FLNC: variants seen among roughly 807,000 people sequenced by gnomAD.
The protein encoded by FLNC is filamin C, also known as filamin-C.
FLNC carries 91 observed loss-of-function variants against 254.3 expected under a neutral mutation model. The ratio of observed to expected loss-of-function variants is 0.36; its 90% CI spans 0.30 to 0.43. The LOEUF (loss-of-function observed/expected upper bound fraction) is 0.43, where lower values mean the gene tolerates loss of function less well. Ranked by LOEUF, FLNC falls within the 20% of genes least tolerant of loss-of-function variation. FLNC has a pLI of 1.00. For synonymous variants in FLNC, 1,430 were observed against 1,577.2 expected (o/e 0.91, Z 2.21); for missense variants, 2,853 against 3,802.6 (o/e 0.75, Z 6.57).
rs1808043006 is a variant in FLNC at position 128,835,079 on chromosome 7, C to T, written c.353-247C>T. On this transcript the variant is annotated intron_variant, in intron 1 of 47. Coordinates refer to ENST00000325888, the MANE Select transcript of FLNC (RefSeq NM_001458.5). This position sits in a 1 kb window ranked among gnomAD's most constrained non-coding sequence, Gnocchi z 5.3. ...CATAGACAGGAGGCAGACTCACTTG[C>T]TGTAGCTGAGGTGAGGGTACCTTCC... Among the ~76,000 whole-genome samples the T allele has an allele frequency of 6.6e-6, 1 of 152,188 alleles. No individual in the cohort carries two copies. The highest frequency in any genetic ancestry group is 1.5e-5 in the Non-Finnish European group (1 of 68,038).
chr7:128,846,990 G>T, intron 24 of FLNC, 85 bp downstream of exon 24: 1 of 1,543,996 alleles, frequency 6.5e-7, no homozygotes, highest in East Asian at 2.2e-5. Context: ...CTGGAAGGAA[G>T]TTGGGTAAGA....
rs113618587 is a variant in FLNC at position 128,853,812 on chromosome 7, C to A, written c.6459C>A (p.Thr2153=). 6.2e-7 allele frequency: 1 copy of A among 1,613,590 alleles called. No homozygotes were observed. The highest frequency in any genetic ancestry group is 1.3e-5 in the African/African-American group (1 of 75,042). The change falls in exon 39 of 48, where the codon ACC becomes ACA. Residue 2153 remains threonine (T), a synonymous_variant. Coordinates refer to ENST00000325888, the MANE Select transcript of FLNC (RefSeq NM_001458.5). ...QAPSIATIGS[T]CDLNLKIPGN... The stretch of plus-strand genomic sequence containing the variant: ...CTTCCATCGCCACCATCGGCAGCAC[C>A]TGTGACCTCAACCTCAAGATCCCAG...
rs373813406 is a variant in FLNC, at chr7:128,841,137, C to T, written c.1814-33C>T. The T allele has an allele frequency of 6.2e-7, 1 of 1,609,044 alleles. No homozygotes were observed. ...GGGGACGGAAGGGTCTTGCCTGATG[C>T]TGGATCCCCGACCCTCCCCCACCTT... On this transcript the variant is annotated intron_variant, in intron 11 of 47. Coordinates refer to ENST00000325888, the MANE Select transcript of FLNC (RefSeq NM_001458.5). The surrounding 1 kb of genome is among the most constrained non-coding windows in gnomAD (Gnocchi z 4.3).
At position 128,835,486 on chromosome 7, in the gene FLNC, C is replaced by A; in HGVS notation, c.513C>A (p.Asn171Lys). Residue 171 changes from asparagine to lysine, a missense_variant, in exon 2 of 48, where the codon AAC becomes AAA. Asn to Lys is a moderately conservative substitution (Grantham distance 94). Coordinates refer to ENST00000325888, the MANE Select transcript of FLNC (RefSeq NM_001458.5). The surrounding 1 kb of genome is among the most constrained non-coding windows in gnomAD (Gnocchi z 5.3). ...AGCGGCTGCTTGGCTGGATCCAGAA[C>A]AAGGTGCCCCAGCTGCCCATCACCA... ...PKQRLLGWIQ[N>K]KVPQLPITNF... 6.2e-7 allele frequency: 1 copy of A among 1,613,818 alleles called. No homozygotes were observed. Among genetic ancestry groups the A allele is most frequent in the East Asian group, 2.2e-5 (1 of 44,888 alleles).
In FLNC at chr7:128,838,386, C is replaced by T; in HGVS notation, c.1167C>T (p.Gly389=). ...GTGGCCCTGGCCTGGAACCTGTGGG[C>T]AATGTGGCCAACAAACCCACCTACT... ...SARGPGLEPV[G]NVANKPTYFD... is the part of the protein sequence containing the mutation. Residue 389 remains glycine, a synonymous_variant, in exon 7 of 48, where the codon GGC becomes GGT. Transcript: ENST00000325888. 1 of 1,613,964 alleles carries T rather than the reference C, an allele frequency of 6.2e-7. No individual in the cohort carries two copies. The highest frequency in any genetic ancestry group is 8.5e-7 in the Non-Finnish European group (1 of 1,179,986).
Position 128,845,065 on chromosome 7 carries a change from C to A in FLNC, c.3600C>A (p.Ala1200=). 1 of 1,613,840 alleles carries A rather than the reference C, an allele frequency of 6.2e-7. No individual in the cohort carries two copies. The highest frequency in any genetic ancestry group is 1.1e-5 in the South Asian group (1 of 91,086). ...TCCTGTCGGATGCCGGGGTCAAGGC[C>A]GAGGTGCTGATCCACAACAACGCGG... ...IEILSDAGVK[A]EVLIHNNADG... The change falls in exon 21 of 48, where the codon GCC becomes GCA. Residue 1200 remains alanine, a synonymous_variant. Coordinates refer to ENST00000325888, the MANE Select transcript of FLNC (RefSeq NM_001458.5).
rs1365349607 is a variant in FLNC, at chr7:128,835,285, G to A, written c.353-41G>A. On this transcript the variant is annotated intron_variant, in intron 1 of 47. Coordinates refer to ENST00000325888, the MANE Select transcript of FLNC (RefSeq NM_001458.5). This position sits in a 1 kb window ranked among gnomAD's most constrained non-coding sequence, Gnocchi z 5.3. ...GGAGGGTGCTCTGGGGCAGTGGAGGGTGGGGCGCCCCTGAGCCCGTCTGTG... is the reference window on the plus strand; with the variant it reads ...GGAGGGTGCTCTGGGGCAGTGGAGGATGGGGCGCCCCTGAGCCCGTCTGTG... 1.9e-6 allele frequency: 3 copies of A among 1,611,218 alleles called. No individual in the cohort carries two copies. The highest frequency in any genetic ancestry group is 1.7e-5 in the Admixed American group (1 of 60,000).
In FLNC at chr7:128,852,956, C is replaced by A. The variant is rs762748670; in HGVS notation, c.6133C>A (p.Arg2045=). The change falls in exon 37 of 48, where the codon CGG becomes AGG. Residue 2045 remains arginine (R), a synonymous_variant. Coordinates refer to ENST00000325888, the MANE Select transcript of FLNC (RefSeq NM_001458.5). ...PSEIGDASKV[R]VWGKGLSEGH... ...TGAGATCGGGGACGCCAGCAAGGTG[C>A]GGGTCTGGGGCAAGGGGCTTTCCGA... is the stretch of plus-strand genomic sequence containing the variant. The A allele has an allele frequency of 1.9e-6, 3 of 1,613,450 alleles. No homozygotes were observed. In the South Asian group the frequency reaches 3.3e-5, roughly 18 times the overall value.
Position 128,835,621 on chromosome 7 carries a change from CAGAG to C in FLNC, c.601+48_601+51del. The stretch of plus-strand genomic sequence containing the variant: ...GCATGGAGCCCTTAGCTCCCAAAGA[CAGAG>C]GGGACAAGCTGGGGCTGCCAAGGCG... On this transcript the variant is annotated intron_variant, in intron 2 of 47. Transcript: ENST00000325888. The surrounding 1 kb of genome is among the most constrained non-coding windows in gnomAD (Gnocchi z 5.3). 6.3e-7 allele frequency: 1 copy of C among 1,599,752 alleles called. No homozygotes were observed. Among genetic ancestry groups the C allele is most frequent in the Non-Finnish European group, 8.5e-7 (1 of 1,172,082 alleles).
intron 18 of FLNC, 74 bp downstream of exon 18, chr7:128,843,651 G>A: frequency 1.1e-5 from 18 of 1,571,012 alleles, no homozygotes; most frequent in Non-Finnish European, 1.6e-5. Flanking sequence ...CCAGTCCCAT[G>A]GGACCAGTTC....
rs746751083 is a variant in FLNC at position 128,853,743 on chromosome 7, C to T, written c.6390C>T (p.Gly2130=). The T allele has an allele frequency of 2.7e-5, 44 of 1,613,760 alleles. No homozygotes were observed. The highest frequency in any genetic ancestry group is 4.5e-5 in the East Asian group (2 of 44,888). Residue 2130 remains glycine, a synonymous_variant, in exon 39 of 48, where the codon GGC becomes GGT. Coordinates refer to ENST00000325888, the MANE Select transcript of FLNC (RefSeq NM_001458.5). ...PGSPFTVKVT[G]EGRMKESITR... is the part of the protein sequence containing the mutation. ...GCCCCTTCACTGTGAAGGTGACCGG[C>T]GAGGGCCGCATGAAGGAGAGCATCA... is the stretch of plus-strand genomic sequence containing the variant.
chr7:128,843,121 C>A, intron 16 of FLNC, 108 bp from the exon 17 acceptor site: 1 of 1,362,782 alleles, frequency 7.3e-7, no homozygotes. Context: ...CTTTTGGAGG[C>A]TGCCCCTGTC....
At position 128,857,943 on chromosome 7, in the gene FLNC, C is replaced by T. The variant is rs1268051332; in HGVS notation, c.7781-65C>T. ...AGGGTGGCAGTGCTGGCCGAGGGTC[C>T]CCTGCCTGGGGAAGAACAGGAAGCC... is the stretch of plus-strand genomic sequence containing the variant. On this transcript the variant is annotated intron_variant, in intron 46 of 47. Transcript: ENST00000325888. This position sits in a 1 kb window ranked among gnomAD's most constrained non-coding sequence, Gnocchi z 4.5. 8.1e-7 allele frequency: 1 copy of T among 1,232,284 alleles called. No individual in the cohort carries two copies. The highest frequency in any genetic ancestry group is 1.2e-6 in the Non-Finnish European group (1 of 855,252). The allele number at this position is 1,232,284 out of a possible 1,614,324, so 76.3% of individuals were successfully genotyped here.
chr7:128,842,956 T>TA lies in FLNC; in HGVS notation c.2550+3dup, dbSNP rs1172497427. 6.2e-7 allele frequency: 1 copy of TA among 1,613,726 alleles called. No individual in the cohort carries two copies. The highest frequency in any genetic ancestry group is 1.1e-5 in the South Asian group (1 of 91,076). On this transcript the variant is annotated splice_region_variant and intron_variant, in intron 16 of 47. Transcript: ENST00000325888. The surrounding 1 kb of genome is among the most constrained non-coding windows in gnomAD (Gnocchi z 5.4). ...ATCATGGTGCTGTTTGCCAACCAGGTACCTAAGCTCCTGGGTACTCACAGC... is the reference window on the plus strand; with the variant it reads ...ATCATGGTGCTGTTTGCCAACCAGGTAACCTAAGCTCCTGGGTACTCACAGC...
At chr7:128,833,795 C>T (rs953781432) in intron 1 of FLNC, among the ~76,000 whole-genome samples, 1 of 150,974 alleles carries the variant, frequency 6.6e-6, no homozygotes, top group Non-Finnish European at 1.5e-5. Context: ...GAGAAAGCAC[C>T]GGGAGGCAGG....
intron 37 of FLNC, 152 bp from the exon 38 acceptor site, chr7:128,853,317 G>T: frequency 1.1e-6 from 1 of 942,708 alleles, no homozygotes; most frequent in African/African-American, 1.6e-5. Flanking sequence ...CTGTCCCGTG[G>T]TGCCCCCGCT....
chr7:128,850,554 T>A, intron 32 of FLNC, 71 bp downstream of exon 32: 1 of 1,376,462 alleles, frequency 7.3e-7, no homozygotes, highest in Non-Finnish European at 1.0e-6. Context: ...TCCTGTGTCT[T>A]AATGATGAAA....
At chr7:128,850,181 G>C (rs1267383775) in intron 31 of FLNC, 107 bp downstream of exon 31, 1 of 1,074,768 alleles carries the variant, frequency 9.3e-7, no homozygotes, top group Admixed American at 2.0e-5. Flanking sequence ...GGGCCTCTTG[G>C]GGAGCAGGCA....
At chr7:128,838,505 G>A in intron 7 of FLNC, 76 bp downstream of exon 7, 2 of 1,026,276 alleles carry the variant, frequency 1.9e-6, no homozygotes, top group Admixed American at 1.8e-5. Context: ...GGGAGGCTGG[G>A]ACAGGGATGC....
Sources: allele counts gnomAD v4.1 joint callset (sites outside exome capture counted in the v4.1 genomes callset), GRCh38; gene constraint gnomAD v4.1.1; non-coding constraint Gnocchi (gnomAD v3.1); transcripts MANE v1.5; gene names NCBI Gene and HGNC (gene_info 2026-07-23, HGNC 2026-07-21).